The following CFLAR variants were observed in gnomAD, a reference collection of about 807,000 sequenced individuals.
The protein encoded by CFLAR is CASP8 and FADD-like apoptosis regulator.
In CFLAR, 14 loss-of-function variants were observed where a neutral mutation model predicts 51.1. The ratio of observed to expected loss-of-function variants is 0.27; its 90% CI spans 0.18 to 0.43. The LOEUF is 0.43. Ranked by LOEUF, CFLAR falls within the 20% of genes least tolerant of loss-of-function variation. The pLI is 1.00. For missense variants in CFLAR, 390 were observed against 566.5 expected (o/e 0.69, Z 3.16); for synonymous variants, 210 against 211.6 (o/e 0.99, Z 0.06).
Position 201,116,659 on chromosome 2 carries a change from G to T in CFLAR, c.-138+178G>T, listed in dbSNP as rs1356557043. Among the ~76,000 whole-genome samples the T allele has an allele frequency of 6.6e-6, 1 of 152,238 alleles. No individual in the cohort carries two copies. The highest frequency in any genetic ancestry group is 1.5e-5 in the Non-Finnish European group (1 of 68,036). ...CGGGAAACTGCAGGTGGCCGGCAGT[G>T]GCCAGGGGATGGCGGGGGCGCTTCT... On this transcript the variant is annotated intron_variant, in intron 1 of 9. Coordinates refer to ENST00000309955, the MANE Select transcript of CFLAR (RefSeq NM_003879.7). The surrounding 1 kb of genome is among the most constrained non-coding windows in gnomAD (Gnocchi z 4.8).
In CFLAR at chr2:201,166,550, C is replaced by CGTCCCAG. The variant is rs1943597776; in HGVS notation, c.*2577_*2578insGTCCCAG. Reference sequence around the variant, plus strand: ...GGCCGGGCAGAGACGCTCCTCACTTCATCCCAGACGGGGTGGCGGCCGGGC... The same window carrying CGTCCCAG: ...GGCCGGGCAGAGACGCTCCTCACTTCGTCCCAGATCCCAGACGGGGTGGCGGCCGGGC... On this transcript the variant is annotated 3_prime_UTR_variant, in exon 10 of 10. Transcript: ENST00000309955. The CGTCCCAG allele has an allele frequency of 5.3e-6, 1 of 187,202 alleles. No individual in the cohort carries two copies. Among genetic ancestry groups the CGTCCCAG allele is most frequent in the Non-Finnish European group, 1.1e-5 (1 of 89,058 alleles). The allele number at this position is 187,202 out of a possible 1,614,324, so 11.6% of individuals were successfully genotyped here.
intron 5 of CFLAR, chr2:201,141,587 C>T: frequency 7.7e-7 from 1 of 1,303,594 alleles, no homozygotes; most frequent in Non-Finnish European, 9.8e-7. Flanking sequence ...AATAAATATC[C>T]TTGTACTTCT....
chr2:201,151,982 A>G (rs953521232), intron 8 of CFLAR, among the ~76,000 whole-genome samples: 2 of 150,470 alleles, frequency 1.3e-5, no homozygotes, highest in African/African-American at 2.4e-5. Context: ...TATTTTTTTT[A>G]ATGTTTTTTT....
Position 201,167,330 on chromosome 2 carries a change from T to A in CFLAR, c.*3357T>A, listed in dbSNP as rs1048353495. 1.3e-5 allele frequency: 2 copies of A among 152,688 alleles called. No homozygotes were observed. Among genetic ancestry groups the A allele is most frequent in the African/African-American group, 2.4e-5 (1 of 41,366 alleles). The allele number at this position is 152,688 out of a possible 1,614,324, so 9.5% of individuals were successfully genotyped here. On this transcript the variant is annotated 3_prime_UTR_variant, in exon 10 of 10. Transcript: ENST00000309955. ...ACCAGCCTGGGCAACATAGCAAGACTCCATCTCTACAAAAAAAGACAAAAT... is the reference window on the plus strand; with the variant it reads ...ACCAGCCTGGGCAACATAGCAAGACACCATCTCTACAAAAAAAGACAAAAT...
chr2:201,132,594 G>T lies in CFLAR; in HGVS notation c.282-435G>T, dbSNP rs113101202. Among the ~76,000 whole-genome samples, 106 of 152,104 alleles carry T rather than the reference G, an allele frequency of 7.0e-4. 1 individual carries two copies. Among genetic ancestry groups the T allele is most frequent in the African/African-American group, 2.4e-3 (101 of 41,464 alleles). On this transcript the variant is annotated intron_variant, in intron 2 of 9. Coordinates refer to ENST00000309955, the MANE Select transcript of CFLAR (RefSeq NM_003879.7). The stretch of plus-strand genomic sequence containing the variant: ...GTATCTCAGGTATTTCTTTCCTTTA[G>T]CATCTTGCAATTCAAAATATGGTCC...
At chr2:201,136,385 C>T (rs1157056058) in intron 4 of CFLAR, 2 of 1,598,440 alleles carry the variant, frequency 1.3e-6, no homozygotes, top group Non-Finnish European at 1.7e-6. Context: ...TCTGCACAGG[C>T]TGGCAGAGCT....
intron 4 of CFLAR, chr2:201,137,894 C>G (rs116724456): frequency 0.013 from 10,406 of 777,832 alleles, 99 homozygotes; most frequent in Non-Finnish European, 0.016. Flanking sequence ...TGGCGGCCAG[C>G]AGGGAGCCCA....
At chr2:201,141,468 A>G in intron 5 of CFLAR, 1 of 1,543,506 alleles carries the variant, frequency 6.5e-7, no homozygotes, top group Non-Finnish European at 8.7e-7. Context: ...ATCATTCTGA[A>G]TGATTAAATC....
chr2:201,135,383 T>C (rs2125707762), intron 3 of CFLAR, among the ~76,000 whole-genome samples: 1 of 152,312 alleles, frequency 6.6e-6, no homozygotes, highest in Admixed American at 6.5e-5. Flanking sequence ...TTTTCAGCCC[T>C]GCTCTTTCAC....
chr2:201,140,355 AGTT>A lies in CFLAR; in HGVS notation c.524-1_525del. ...CTCAGTACCTCCCTTCTGCTTTTATAGTTCAAGGAGCAGGGACAAGTTACAGGA... is the reference window on the plus strand; with the variant it reads ...CTCAGTACCTCCCTTCTGCTTTTATACAAGGAGCAGGGACAAGTTACAGGA... On this transcript the variant is annotated splice_acceptor_variant and coding_sequence_variant, in exon 5 of 10. Transcript: ENST00000309955. LOFTEE classifies it high-confidence loss of function. 1 of 1,601,106 alleles carries A rather than the reference AGTT, an allele frequency of 6.2e-7. No homozygotes were observed. The highest frequency in any genetic ancestry group is 8.5e-7 in the Non-Finnish European group (1 of 1,172,572).
At chr2:201,126,730 T>C (rs1011714785) in intron 1 of CFLAR, among the ~76,000 whole-genome samples, 2 of 152,150 alleles carry the variant, frequency 1.3e-5, no homozygotes, top group African/African-American at 4.8e-5. Context: ...ACCCCAGAGC[T>C]CCTTCCTCCA....
At chr2:201,149,887 A>T (rs1940952912) in intron 8 of CFLAR, 52 bp downstream of exon 8, 1 of 1,342,584 alleles carries the variant, frequency 7.4e-7, no homozygotes, top group Non-Finnish European at 1.1e-6. Context: ...AGATCATGGC[A>T]CAGGCAAGCT....
chr2:201,149,577 T>C (rs1252905634), intron 7 of CFLAR, 177 bp from the exon 8 acceptor site: 1 of 538,534 alleles, frequency 1.9e-6, no homozygotes, highest in Non-Finnish European at 3.3e-6. Context: ...ATTACCCTAA[T>C]AGAGGAAAAA....
At chr2:201,146,835 G>C (rs866363953) in intron 6 of CFLAR, 3 of 152,332 alleles carry the variant, frequency 2.0e-5, no homozygotes, top group Admixed American at 6.5e-5. Flanking sequence ...GATATCTTAC[G>C]ACTCAGTCTT....
chr2:201,138,499 C>T lies in CFLAR; in HGVS notation c.524-1858C>T. 1 of 1,272,578 alleles carries T rather than the reference C, an allele frequency of 7.9e-7. No individual in the cohort carries two copies. The highest frequency in any genetic ancestry group is 1.2e-5 in the South Asian group (1 of 84,508). 78.8% of individuals were successfully genotyped at this position (1,272,578 alleles called of 1,614,324 possible). A position where few individuals can be genotyped will look rare whatever the true frequency, so the allele number is the denominator to read the frequency against. The stretch of plus-strand genomic sequence containing the variant: ...TTTCAACCTCACACTGCTGGAGCCA[C>T]CACTAGCTTGATCCTTGGCATCATC... On this transcript the variant is annotated intron_variant, in intron 4 of 9. Coordinates refer to ENST00000309955, the MANE Select transcript of CFLAR (RefSeq NM_003879.7). The surrounding 1 kb of genome is among the most constrained non-coding windows in gnomAD (Gnocchi z 4.0).
At chr2:201,139,980 C>A in intron 4 of CFLAR, 1 of 256,964 alleles carries the variant, frequency 3.9e-6, no homozygotes. Context: ...GCAGTGAACC[C>A]GTCCTCGACC....
At position 201,118,549 on chromosome 2, in the gene CFLAR, C is replaced by T. The variant is rs2047844903; in HGVS notation, c.-138+2068C>T. ...CTGAGCTATGCATAAGCCGTTTGAC[C>T]ACGCATGGAGAATTTTACCACCCAG... On this transcript the variant is annotated intron_variant, in intron 1 of 9. Coordinates refer to ENST00000309955, the MANE Select transcript of CFLAR (RefSeq NM_003879.7). This position sits in a 1 kb window ranked among gnomAD's most constrained non-coding sequence, Gnocchi z 5.1. 1 of 152,268 alleles carries T rather than the reference C, an allele frequency of 6.6e-6. No homozygotes were observed. Among genetic ancestry groups the T allele is most frequent in the Non-Finnish European group, 1.5e-5 (1 of 68,086 alleles). 9.4% of individuals were successfully genotyped at this position (152,268 alleles called of 1,614,324 possible).
At chr2:201,121,460 A>G (rs930652533) in intron 1 of CFLAR, among the ~76,000 whole-genome samples, 2 of 152,210 alleles carry the variant, frequency 1.3e-5, no homozygotes, top group African/African-American at 4.8e-5. Flanking sequence ...GAGATGAGAA[A>G]CTAGGGGACA....
chr2:201,156,731 C>G (rs1351467996), intron 8 of CFLAR, among the ~76,000 whole-genome samples: 1 of 151,952 alleles, frequency 6.6e-6, no homozygotes, highest in African/African-American at 2.4e-5. Context: ...CCCCACCCCC[C>G]CACATCATTT....
Sources: gnomAD v4.1 joint callset for allele counts (sites outside exome capture counted in the v4.1 genomes callset) on GRCh38, gnomAD v4.1.1 for gene constraint, Gnocchi (gnomAD v3.1) non-coding constraint, MANE v1.5 for transcripts, NCBI Gene and HGNC (gene_info 2026-07-23, HGNC 2026-07-21) for gene names.